Variants in ENTREP2 observed in about 807,000 individuals in gnomAD.
ENTREP2 encodes protein ENTREP2.
At chr15:29,149,345 C>T in the ENTREP2 span, among the ~76,000 whole-genome samples, 9 of 152,210 alleles carry the variant, frequency 5.9e-5, no homozygotes, top group Non-Finnish European at 7.3e-5. Context: ...TTACATAGTA[C>T]TAGAATATGT....
At chr15:29,563,766 G>A in the ENTREP2 span, among the ~76,000 whole-genome samples, 4 of 152,168 alleles carry the variant, frequency 2.6e-5, no homozygotes, top group Admixed American at 2.0e-4. Context: ...GAACCCGGGA[G>A]GCTGAGGATG....
At chr15:29,126,572 G>C in the ENTREP2 span, 8 of 1,197,702 alleles carry the variant, frequency 6.7e-6, no homozygotes, top group African/African-American at 3.0e-5. Flanking sequence ...TCAAACTCCA[G>C]ACCTAGATGA....
At chr15:29,506,399 T>C in the ENTREP2 span, among the ~76,000 whole-genome samples, 342 of 152,178 alleles carry the variant, frequency 2.2e-3, 1 homozygote, top group African/African-American at 7.7e-3. Flanking sequence ...ATTCAGGAAC[T>C]AGAGAGAACA....
At chr15:29,317,177 G>C in the ENTREP2 span, among the ~76,000 whole-genome samples, 1 of 152,144 alleles carries the variant, frequency 6.6e-6, no homozygotes, top group Non-Finnish European at 1.5e-5. Flanking sequence ...TCCTCAATTA[G>C]TGCCCAATTC....
At chr15:29,491,219 C>G in the ENTREP2 span, among the ~76,000 whole-genome samples, 1 of 152,202 alleles carries the variant, frequency 6.6e-6, no homozygotes, top group Non-Finnish European at 1.5e-5. Context: ...AGCCCACGAG[C>G]CCTGTGCACA....
chr15:29,146,886 G>T, the ENTREP2 span, among the ~76,000 whole-genome samples: 1 of 151,168 alleles, frequency 6.6e-6, no homozygotes, highest in Non-Finnish European at 1.5e-5. Context: ...GGTGAGCCGA[G>T]ATCACACCAC....
chr15:29,124,744 T>C, the ENTREP2 span: 1 of 1,550,624 alleles, frequency 6.4e-7, no homozygotes. Flanking sequence ...CACGACGGCC[T>C]GTGTGAAGAG....
the ENTREP2 span, among the ~76,000 whole-genome samples, chr15:29,195,681 C>A: frequency 6.6e-6 from 1 of 152,098 alleles, no homozygotes; most frequent in Non-Finnish European, 1.5e-5. Context: ...CCCACCACCA[C>A]ACCTGGCTAA....
the ENTREP2 span, among the ~76,000 whole-genome samples, chr15:29,655,067 T>C: frequency 6.6e-6 from 1 of 151,956 alleles, no homozygotes; most frequent in Non-Finnish European, 1.5e-5. Flanking sequence ...TCAACAAACA[T>C]CAAATGATCC....
the ENTREP2 span, among the ~76,000 whole-genome samples, chr15:29,392,268 A>C: frequency 6.6e-6 from 1 of 152,118 alleles, no homozygotes; most frequent in East Asian, 1.9e-4. Flanking sequence ...GGCCTGTAAT[A>C]GTTTTATTTC....
chr15:29,553,741 C>T, the ENTREP2 span, among the ~76,000 whole-genome samples: 9 of 152,270 alleles, frequency 5.9e-5, no homozygotes, highest in South Asian at 1.7e-3. Flanking sequence ...GGAGGAGCTA[C>T]AAGTATACAC....
chr15:29,321,842 G>A, the ENTREP2 span, among the ~76,000 whole-genome samples: 1 of 151,948 alleles, frequency 6.6e-6, no homozygotes, highest in Non-Finnish European at 1.5e-5. Context: ...GGCGGGGAGG[G>A]AGAGCATTAG....
the ENTREP2 span, among the ~76,000 whole-genome samples, chr15:29,342,342 G>A: frequency 5.9e-5 from 9 of 152,308 alleles, no homozygotes; most frequent in East Asian, 1.7e-3. Context: ...CAGCTCTATA[G>A]GAATGCGAAA....
the ENTREP2 span, among the ~76,000 whole-genome samples, chr15:29,264,147 T>C: frequency 2.1e-4 from 1 of 4,844 alleles, no homozygotes; most frequent in Admixed American, 1.2e-3. Flanking sequence ...AGAGCGAGAC[T>C]CCGTCTCAAA....
chr15:29,670,815 A>G, the ENTREP2 span, among the ~76,000 whole-genome samples: 22 of 152,312 alleles, frequency 1.4e-4, no homozygotes, highest in African/African-American at 4.6e-4. Context: ...GTGATACAAT[A>G]AGAAACATAG....
chr15:29,600,454 T>C, the ENTREP2 span, among the ~76,000 whole-genome samples: 2 of 151,828 alleles, frequency 1.3e-5, no homozygotes, highest in African/African-American at 4.8e-5. Context: ...ATCATCATCA[T>C]CATCATCATC....
chr15:29,311,516 C>T, the ENTREP2 span, among the ~76,000 whole-genome samples: 1 of 152,142 alleles, frequency 6.6e-6, no homozygotes, highest in Non-Finnish European at 1.5e-5. Context: ...ATGGCGAAAC[C>T]CTGTCTCTAC....
At chr15:29,469,545 G>T in the ENTREP2 span, among the ~76,000 whole-genome samples, 1 of 152,276 alleles carries the variant, frequency 6.6e-6, no homozygotes, top group African/African-American at 2.4e-5. Context: ...CAGATTCACA[G>T]AGAAGTAGAG....
At chr15:29,472,428 AACACAC>A in the ENTREP2 span, among the ~76,000 whole-genome samples, 1,147 of 140,698 alleles carry the variant, frequency 8.2e-3, 12 homozygotes, top group African/African-American at 0.021. Context: ...CACAACACAC[AACACAC>A]ACACACACAC....
Sources: gnomAD v4.1 joint callset for allele counts (sites outside exome capture counted in the v4.1 genomes callset) on GRCh38, gnomAD v4.1.1 for gene constraint, MANE v1.5 for transcripts, NCBI Gene and HGNC (gene_info 2026-07-23, HGNC 2026-07-21) for gene names.